The following MAMDC4 variants were observed in gnomAD, a reference collection of about 807,000 sequenced individuals.
MAMDC4 encodes MAM domain containing 4.
MAMDC4 carries 168 observed loss-of-function variants against 153.3 expected under a neutral mutation model. The observed-to-expected ratio is 1.10, with a 90% CI of 0.97 to 1.25. The LOEUF is 1.25. Ranked by LOEUF, MAMDC4 falls within the 50% of genes most tolerant of loss-of-function variation. The probability of loss-of-function intolerance (pLI) is 0.00; values close to 1 mark genes in which losing one functional copy is unlikely to be tolerated. For synonymous variants in MAMDC4, 744 were observed against 651.5 expected, an observed-to-expected ratio of 1.14 and a Z score of -2.16; for missense variants, 1,701 against 1,542.8, an observed-to-expected ratio of 1.10 and a Z score of -1.72.
At chr9:136,854,889 G>A (rs769164513) in intron 9 of MAMDC4, 39 bp downstream of exon 9, 19 of 1,612,496 alleles carry the variant, frequency 1.2e-5, no homozygotes, top group South Asian at 4.4e-5. Context: ...CCTGCTCTCC[G>A]TGCTGGCTGC....
rs768155073 is a variant in MAMDC4 at position 136,855,018 on chromosome 9, C to CG, written c.1108dup (p.Ala370GlyfsTer22). ...GCAGACTCTGGGGCCCGGCGCCCCC[C>CG]GGGCCCCCGTCCTGCTGCGGAGGCG... On this transcript the variant is annotated frameshift_variant, in exon 10 of 27. Coordinates refer to ENST00000317446, the MANE Select transcript of MAMDC4 (RefSeq NM_206920.3). LOFTEE classifies it high-confidence loss of function. The CG allele has an allele frequency of 1.7e-5, 27 of 1,600,640 alleles. No homozygotes were observed. The highest frequency in any genetic ancestry group is 2.2e-5 in the Non-Finnish European group (26 of 1,175,970).
Position 136,857,690 on chromosome 9 carries a change from C to T in MAMDC4, c.2358C>T (p.Asp786=), listed in dbSNP as rs372228602. The T allele has an allele frequency of 1.1e-4, 171 of 1,612,460 alleles. No individual in the cohort carries two copies. Among genetic ancestry groups the T allele is most frequent in the East Asian group, 5.1e-4 (23 of 44,864 alleles). The change falls in exon 19 of 27, where the codon GAC becomes GAT. Residue 786 remains aspartate, a synonymous_variant. Coordinates refer to ENST00000317446, the MANE Select transcript of MAMDC4 (RefSeq NM_206920.3). ...ACATGGTGGTGGACACAAGCCCAGA[C>T]GCACTACCCCGGGGCCAGACGGCCT... ...GHYMVVDTSP[D]ALPRGQTASL... is the part of the protein sequence containing the mutation.
At chr9:136,854,487 G>T in intron 7 of MAMDC4, 52 bp from the exon 8 acceptor site, 1 of 1,563,718 alleles carries the variant, frequency 6.4e-7, no homozygotes, top group Non-Finnish European at 8.7e-7. Flanking sequence ...GGGGCCATAC[G>T]GCTTCAGGAA....
At position 136,859,210 on chromosome 9, in the gene MAMDC4, T is replaced by C; in HGVS notation, c.3086T>C (p.Ile1029Thr). The change falls in exon 25 of 27, where the codon ATC (isoleucine) becomes ACC (threonine). Residue 1029 changes from isoleucine (I) to threonine (T), a missense_variant and splice_region_variant. Ile to Thr is a moderately conservative substitution (Grantham distance 89, BLOSUM62 -1). Transcript: ENST00000317446. ...VEVASAKEFQ[I>T]VFEATLGGQP... is the part of the protein sequence containing the mutation. ...CAAACTCCTTTCCTTCTCCATCAGA[T>C]CGTGTTTGAAGCCACTCTGGGCGGC... 1.9e-6 allele frequency: 3 copies of C among 1,610,508 alleles called. No individual in the cohort carries two copies. The highest frequency in any genetic ancestry group is 1.7e-6 in the Non-Finnish European group (2 of 1,178,592).
intron 4 of MAMDC4, 28 bp downstream of exon 4, chr9:136,853,698 G>T: frequency 6.2e-7 from 1 of 1,607,282 alleles, no homozygotes; most frequent in Non-Finnish European, 8.5e-7. Flanking sequence ...AAGGCTCGTG[G>T]GGGGTGCCCA....
intron 6 of MAMDC4, 49 bp from the exon 7 acceptor site, chr9:136,854,162 C>T (rs767347830): frequency 5.6e-6 from 9 of 1,611,374 alleles, no homozygotes; most frequent in Non-Finnish European, 7.6e-6. Flanking sequence ...CCCCCGAGTG[C>T]TCTCCCACTC....
At chr9:136,856,327 A>G in intron 14 of MAMDC4, 178 bp downstream of exon 14, 1 of 1,080,244 alleles carries the variant, frequency 9.3e-7, no homozygotes, top group Non-Finnish European at 1.4e-6. Context: ...GCAGCAGTGC[A>G]GGCATCTGGA....
Position 136,859,203 on chromosome 9 carries a change from C to T in MAMDC4, c.3085-6C>T. On this transcript the variant is annotated splice_polypyrimidine_tract_variant and splice_region_variant and intron_variant, in intron 24 of 26. Coordinates refer to ENST00000317446, the MANE Select transcript of MAMDC4 (RefSeq NM_206920.3). ...GCCCACACAAACTCCTTTCCTTCTC[C>T]ATCAGATCGTGTTTGAAGCCACTCT... 1 of 1,609,494 alleles carries T rather than the reference C, an allele frequency of 6.2e-7. No individual in the cohort carries two copies. Among genetic ancestry groups the T allele is most frequent in the Non-Finnish European group, 8.5e-7 (1 of 1,178,006 alleles).
chr9:136,852,393 C>T lies in MAMDC4; in HGVS notation c.-24C>T, dbSNP rs574908960. On this transcript the variant is annotated 5_prime_UTR_variant, in exon 1 of 27. Coordinates refer to ENST00000317446, the MANE Select transcript of MAMDC4 (RefSeq NM_206920.3). ...GAACTTCCCAGGCACCCTGTGTGGC[C>T]GCACTGCTCCCTCTGGCCCAACCAT... 2.9e-5 allele frequency: 46 copies of T among 1,608,142 alleles called. No individual in the cohort carries two copies. The highest frequency in any genetic ancestry group is 2.1e-4 in the African/African-American group (16 of 75,064).
Position 136,853,688 on chromosome 9 carries a change from A to G in MAMDC4, c.454+18A>G. 6.6e-7 allele frequency: 1 copy of G among 1,525,888 alleles called. No individual in the cohort carries two copies. The highest frequency in any genetic ancestry group is 8.9e-7 in the Non-Finnish European group (1 of 1,126,462). The allele number at this position is 1,525,888 out of a possible 1,614,324, so 94.5% of individuals were successfully genotyped here. On this transcript the variant is annotated intron_variant, in intron 4 of 26. Coordinates refer to ENST00000317446, the MANE Select transcript of MAMDC4 (RefSeq NM_206920.3). ...CTCTGGAGGTGCACCCTGGACCCCC[A>G]AGGCTCGTGGGGGGTGCCCAAGGGG...
At chr9:136,858,597 C>T in intron 22 of MAMDC4, 51 bp downstream of exon 22, 1 of 1,572,616 alleles carries the variant, frequency 6.4e-7, no homozygotes, top group Non-Finnish European at 8.6e-7. Context: ...CACCTGGCCT[C>T]CTGCTGCCCA....
At position 136,857,570 on chromosome 9, in the gene MAMDC4, C is replaced by T; in HGVS notation, c.2310C>T (p.Thr770=). 1.2e-6 allele frequency: 2 copies of T among 1,612,438 alleles called. No individual in the cohort carries two copies. Among genetic ancestry groups the T allele is most frequent in the Non-Finnish European group, 1.7e-6 (2 of 1,179,936 alleles). The change falls in exon 18 of 27, where the codon ACC becomes ACT. Residue 770 remains threonine (T), a synonymous_variant. Coordinates refer to ENST00000317446, the MANE Select transcript of MAMDC4 (RefSeq NM_206920.3). The part of the protein sequence containing the change: ...HAAWGPPTDH[T]TETAQGHYMV... ...CCTGGGGCCCCCCAACAGACCATAC[C>T]ACTGAGACAGCCCAAGGTATGGGGG...
chr9:136,857,681 A>C lies in MAMDC4; in HGVS notation c.2349A>C (p.Thr783=). The part of the protein sequence containing the change: ...TAQGHYMVVD[T]SPDALPRGQT... ...CAGGGCACTACATGGTGGTGGACAC[A>C]AGCCCAGACGCACTACCCCGGGGCC... The change falls in exon 19 of 27, where the codon ACA becomes ACC. Residue 783 remains threonine, a synonymous_variant. Transcript: ENST00000317446. 2 of 1,612,510 alleles carry C rather than the reference A, an allele frequency of 1.2e-6. No homozygotes were observed. Among genetic ancestry groups the C allele is most frequent in the Non-Finnish European group, 1.7e-6 (2 of 1,179,800 alleles).
rs1564389542 is a variant in MAMDC4, at chr9:136,859,948, C to T, written c.3256C>T (p.Leu1086Phe). The T allele has an allele frequency of 6.2e-7, 1 of 1,613,058 alleles. No individual in the cohort carries two copies. Among genetic ancestry groups the T allele is most frequent in the Non-Finnish European group, 8.5e-7 (1 of 1,179,950 alleles). ...VVGSALLLLM[L>F]LVLLGLGGRR... ...TGGCAGTGCCCTCCTATTGCTCATG[C>T]TCCTGGTGCTGCTGGGACTTGGGGG... Residue 1086 changes from leucine to phenylalanine, a missense_variant, in exon 26 of 27, where the codon CTC becomes TTC. Leu to Phe is a conservative substitution (Grantham distance 22, BLOSUM62 0). Coordinates refer to ENST00000317446, the MANE Select transcript of MAMDC4 (RefSeq NM_206920.3).
At chr9:136,855,893 C>T in intron 13 of MAMDC4, 45 bp downstream of exon 13, 1 of 1,480,300 alleles carries the variant, frequency 6.8e-7, no homozygotes, top group Non-Finnish European at 9.0e-7. Flanking sequence ...CGGGTGTGAG[C>T]AGCGTCCTCA....
chr9:136,856,320 G>C lies in MAMDC4; in HGVS notation c.1720+171G>C, dbSNP rs1305722763. 3.6e-6 allele frequency: 4 copies of C among 1,100,344 alleles called. No homozygotes were observed. In the East Asian group the frequency reaches 7.1e-5, roughly 19 times the overall value. The allele number at this position is 1,100,344 out of a possible 1,614,324, so 68.2% of individuals were successfully genotyped here. On this transcript the variant is annotated intron_variant, in intron 14 of 26. Coordinates refer to ENST00000317446, the MANE Select transcript of MAMDC4 (RefSeq NM_206920.3). The stretch of plus-strand genomic sequence containing the variant: ...GAGCTGGCATGGCAGGCCCTGAGCA[G>C]CAGTGCAGGCATCTGGAAGGTGGAC...
At position 136,857,551 on chromosome 9, in the gene MAMDC4, GCCC is replaced by G. The variant is rs757170524; in HGVS notation, c.2295_2297del (p.Pro766del). The G allele has an allele frequency of 1.9e-6, 3 of 1,611,782 alleles. No homozygotes were observed. The highest frequency in any genetic ancestry group is 1.7e-5 in the Admixed American group (1 of 60,002). ...AATGCCTCGGGCCATGCTGCCTGGG[GCCC>G]CCCAACAGACCATACCACTGAGACA... On this transcript the variant is annotated inframe_deletion, in exon 18 of 27. Coordinates refer to ENST00000317446, the MANE Select transcript of MAMDC4 (RefSeq NM_206920.3).
chr9:136,858,544 C>T lies in MAMDC4; in HGVS notation c.2819C>T (p.Ala940Val). The T allele has an allele frequency of 6.4e-7, 1 of 1,572,100 alleles. No homozygotes were observed. Among genetic ancestry groups the T allele is most frequent in the East Asian group, 2.3e-5 (1 of 43,578 alleles). Residue 940 changes from alanine to valine, a missense_variant and splice_region_variant, in exon 22 of 27, where the codon GCA (alanine) becomes GTA (valine). Coordinates refer to ENST00000317446, the MANE Select transcript of MAMDC4 (RefSeq NM_206920.3). The stretch of plus-strand genomic sequence containing the variant: ...GTGGACCACACCCTGGGCACAGAGG[C>T]AGGTACGTGCCCACTGGAGCCAGGT... ...PPVDHTLGTE[A>V]GHFAFFETGV... is the part of the protein sequence containing the mutation.
Position 136,858,546 on chromosome 9 carries a change from G to C in MAMDC4, c.2821G>C (p.Gly941Arg). The C allele has an allele frequency of 6.4e-7, 1 of 1,572,508 alleles. No homozygotes were observed. The change falls in exon 22 of 27, where the codon GGC (glycine) becomes CGC (arginine). Residue 941 changes from glycine (G) to arginine (R), a missense_variant and splice_region_variant. Gly to Arg is a moderately radical substitution (Grantham distance 125). Transcript: ENST00000317446. ...GGACCACACCCTGGGCACAGAGGCA[G>C]GTACGTGCCCACTGGAGCCAGGTGG... ...PVDHTLGTEA[G>R]HFAFFETGVL...
Sources: allele counts gnomAD v4.1 joint callset, GRCh38; gene constraint gnomAD v4.1.1; transcripts MANE v1.5; gene names NCBI Gene and HGNC (gene_info 2026-07-23, HGNC 2026-07-21).